Variants in STPG2 observed in about 807,000 individuals in gnomAD.
STPG2 encodes sperm-tail PG-rich repeat-containing protein 2.
In STPG2, 56 loss-of-function variants were observed where a neutral mutation model predicts 54.2. That is an observed-to-expected ratio of 1.03 (90% CI 0.83 to 1.29). STPG2 has a LOEUF of 1.29. Ranked by LOEUF, STPG2 falls within the 50% of genes most tolerant of loss-of-function variation. The probability of loss-of-function intolerance (pLI) is 0.00; values close to 1 mark genes in which losing one functional copy is unlikely to be tolerated. For missense variants in STPG2, 596 were observed against 544.9 expected, an observed-to-expected ratio of 1.09 and a Z score of -0.93; for synonymous variants, 200 against 181.8, an observed-to-expected ratio of 1.10 and a Z score of -0.81.
At chr4:97,504,558 C>A (rs567238415) in intron 4 of STPG2, among the ~76,000 whole-genome samples, 1 of 151,990 alleles carries the variant, frequency 6.6e-6, no homozygotes, top group South Asian at 2.1e-4. Flanking sequence ...TTCCATATAA[C>A]CAATTATTAT....
chr4:97,967,953 G>C (rs932238386), intron 7 of STPG2, among the ~76,000 whole-genome samples: 2 of 152,038 alleles, frequency 1.3e-5, no homozygotes, highest in African/African-American at 4.8e-5. Context: ...AGAAGAACTA[G>C]AGAAGCAAGA....
intron 3 of STPG2, among the ~76,000 whole-genome samples, chr4:98,127,338 A>G (rs1739859465): frequency 6.6e-6 from 1 of 152,170 alleles, no homozygotes; most frequent in Non-Finnish European, 1.5e-5. Flanking sequence ...GTTTTAAGAA[A>G]AAAGATTTTA....
intron 5 of STPG2, among the ~76,000 whole-genome samples, chr4:98,053,455 G>A (rs553852941): frequency 1.3e-5 from 2 of 151,960 alleles, no homozygotes; most frequent in African/African-American, 4.8e-5. Context: ...TTCCAGCAGA[G>A]ACAAACTCTA....
At chr4:97,986,519 A>G (rs1309614035) in intron 5 of STPG2, among the ~76,000 whole-genome samples, 1 of 152,220 alleles carries the variant, frequency 6.6e-6, no homozygotes. Context: ...GAACCTTTTC[A>G]GAAAGAGATG....
chr4:98,006,960 C>T (rs1358753772), intron 5 of STPG2, among the ~76,000 whole-genome samples: 1 of 152,140 alleles, frequency 6.6e-6, no homozygotes, highest in African/African-American at 2.4e-5. Context: ...GGCTTATCTC[C>T]AGGCATCTGG....
chr4:98,047,734 G>A (rs896072510), intron 5 of STPG2, among the ~76,000 whole-genome samples: 2 of 151,794 alleles, frequency 1.3e-5, no homozygotes, highest in African/African-American at 4.8e-5. Context: ...CCAGCCACAA[G>A]GAAAAGGTAG....
intron 10 of STPG2, among the ~76,000 whole-genome samples, chr4:97,638,416 T>A (rs1161485989): frequency 3.3e-5 from 5 of 152,066 alleles, no homozygotes; most frequent in South Asian, 2.1e-4. Flanking sequence ...GGCATTACCA[T>A]TCAGGACATA....
chr4:97,534,613 A>T (rs1221834216), intron 4 of STPG2, among the ~76,000 whole-genome samples: 1 of 152,042 alleles, frequency 6.6e-6, no homozygotes, highest in Non-Finnish European at 1.5e-5. Flanking sequence ...TTCTCTTTTT[A>T]AAATTTTCAT....
At chr4:97,461,046 T>C (rs1729649687) in intron 4 of STPG2, among the ~76,000 whole-genome samples, 1 of 152,230 alleles carries the variant, frequency 6.6e-6, no homozygotes, top group Admixed American at 6.5e-5. Flanking sequence ...TTTCCAATTC[T>C]AGCTATTAAA....
At chr4:97,478,991 T>A (rs994394741) in intron 4 of STPG2, among the ~76,000 whole-genome samples, 2 of 151,032 alleles carry the variant, frequency 1.3e-5, no homozygotes, top group African/African-American at 4.9e-5. Context: ...TTCATCCTCA[T>A]TAATAATAAT....
intron 7 of STPG2, among the ~76,000 whole-genome samples, chr4:97,964,299 C>T (rs10007424): frequency 0.26 from 39,894 of 151,870 alleles, 5,701 homozygotes; most frequent in Middle Eastern, 0.36. Flanking sequence ...GTTCTGGGAA[C>T]GTGGATCTTT....
intron 8 of STPG2, among the ~76,000 whole-genome samples, chr4:97,884,565 C>T (rs912183817): frequency 1.1e-4 from 17 of 152,080 alleles, no homozygotes; most frequent in Non-Finnish European, 1.3e-4. Flanking sequence ...CTTCTAGCCT[C>T]CAGAATTGTG....
chr4:97,874,951 G>A (rs1188094372), intron 8 of STPG2, among the ~76,000 whole-genome samples: 1 of 151,892 alleles, frequency 6.6e-6, no homozygotes, highest in East Asian at 1.9e-4. Flanking sequence ...AGAAATAAAT[G>A]CCTGTCATTT....
At chr4:97,616,048 ATACATATAAATATATATATATAT>A (rs1403080777) in intron 10 of STPG2, among the ~76,000 whole-genome samples, 11 of 91,880 alleles carry the variant, frequency 1.2e-4, no homozygotes, top group African/African-American at 4.1e-4. Context: ...AAAAAAAAAA[ATACATATAAATATATATATATAT>A]ATATATATAT....
intron 1 of STPG2, among the ~76,000 whole-genome samples, chr4:98,137,824 A>G (rs1034824755): frequency 2.0e-5 from 3 of 151,930 alleles, no homozygotes; most frequent in African/African-American, 7.2e-5. Context: ...TGGGCAATAA[A>G]GAGAATCAAG....
intron 4 of STPG2, among the ~76,000 whole-genome samples, chr4:97,503,940 A>G (rs56927672): frequency 8.3e-6 from 1 of 120,240 alleles, no homozygotes; most frequent in Non-Finnish European, 1.7e-5. Context: ...ATATTTTAAA[A>G]ATATATTTTC....
intron 7 of STPG2, among the ~76,000 whole-genome samples, chr4:97,962,590 C>T (rs918125718): frequency 6.6e-6 from 1 of 152,114 alleles, no homozygotes; most frequent in African/African-American, 2.4e-5. Flanking sequence ...CTTAGTTACA[C>T]CTGTAGATAG....
intron 8 of STPG2, among the ~76,000 whole-genome samples, chr4:97,856,344 G>A (rs903515554): frequency 3.3e-5 from 5 of 152,094 alleles, no homozygotes; most frequent in Non-Finnish European, 5.9e-5. Flanking sequence ...TATGAGCAGT[G>A]ATTTGTACTT....
intron 9 of STPG2, among the ~76,000 whole-genome samples, chr4:97,798,495 CA>C (rs1334846294): frequency 6.6e-6 from 1 of 152,094 alleles, no homozygotes; most frequent in Non-Finnish European, 1.5e-5. Flanking sequence ...GAGCGGTTTT[CA>C]GTGAGTTTCT....
Sources: allele counts gnomAD v4.1 joint callset (sites outside exome capture counted in the v4.1 genomes callset), GRCh38; gene constraint gnomAD v4.1.1; transcripts MANE v1.5; gene names NCBI Gene and HGNC (gene_info 2026-07-23, HGNC 2026-07-21).